GPM6B: variants seen among roughly 807,000 people sequenced by gnomAD.
GPM6B encodes the protein glycoprotein M6B.
In GPM6B, 4 loss-of-function variants were observed where a neutral mutation model predicts 27.2. The ratio of observed to expected loss-of-function variants is 0.15; its 90% CI spans 0.07 to 0.34. The LOEUF (loss-of-function observed/expected upper bound fraction) is 0.34, where lower values mean the gene tolerates loss of function less well. Ranked by LOEUF, GPM6B falls within the 10% of genes least tolerant of loss-of-function variation. The pLI is 1.00. For synonymous variants in GPM6B, 124 were observed against 103.1 expected (o/e 1.20, Z -1.23); for missense variants, 183 against 261.9 (o/e 0.70, Z 2.08).
chrX:13,924,908 TAGA>T (rs1330251263), intron 1 of GPM6B, among the ~76,000 whole-genome samples: 1 of 112,432 alleles, frequency 8.9e-6, no homozygotes, highest in Non-Finnish European at 1.9e-5. Context: ...CTTGAATTAG[TAGA>T]AGAACTGATT....
At chrX:13,803,069 G>T (rs1009705989) in intron 2 of GPM6B, among the ~76,000 whole-genome samples, 13 of 112,020 alleles carry the variant, frequency 1.2e-4, no homozygotes, top group Non-Finnish European at 2.3e-4. Flanking sequence ...CTTAGGTTAG[G>T]AAAGAGTGAC....
chrX:13,774,819 T>C (rs932301359), intron 7 of GPM6B, among the ~76,000 whole-genome samples: 1 of 111,708 alleles, frequency 9.0e-6, no homozygotes, highest in Non-Finnish European at 1.9e-5. Flanking sequence ...ATGTAAGTCA[T>C]TGGTTCTGCC....
intron 1 of GPM6B, among the ~76,000 whole-genome samples, chrX:13,833,155 C>T (rs937253500): frequency 9.0e-6 from 1 of 111,711 alleles, no homozygotes; most frequent in African/African-American, 3.3e-5. Context: ...GACATTCATA[C>T]AGCAGATGAC....
At chrX:13,851,924 C>T (rs1000353215) in intron 1 of GPM6B, among the ~76,000 whole-genome samples, 2 of 108,781 alleles carry the variant, frequency 1.8e-5, no homozygotes, top group African/African-American at 3.4e-5. Flanking sequence ...CCAGCAATCA[C>T]GTAACATGAG....
chrX:13,786,762 G>C (rs990022806), intron 2 of GPM6B, among the ~76,000 whole-genome samples: 6 of 111,310 alleles, frequency 5.4e-5, no homozygotes, highest in African/African-American at 2.0e-4. Flanking sequence ...GACGAGACTT[G>C]TATTCATTTT....
intron 1 of GPM6B, among the ~76,000 whole-genome samples, chrX:13,920,848 G>A (rs950023159): frequency 4.7e-5 from 5 of 107,400 alleles, no homozygotes; most frequent in Non-Finnish European, 7.7e-5. Context: ...CCGAGATCGC[G>A]CCACTATACT....
chrX:13,813,346 T>G (rs937454361), intron 1 of GPM6B, among the ~76,000 whole-genome samples: 1 of 111,452 alleles, frequency 9.0e-6, no homozygotes, highest in Non-Finnish European at 1.9e-5. Context: ...TTTAAGGAAG[T>G]CAATAATTTA....
chrX:13,800,014 T>C (rs2048891634), intron 2 of GPM6B, among the ~76,000 whole-genome samples: 1 of 111,877 alleles, frequency 8.9e-6, no homozygotes, highest in African/African-American at 3.3e-5. Flanking sequence ...GACTAGAATA[T>C]GGCAAAAGTG....
At chrX:13,776,621 A>G (rs1023949637) in intron 6 of GPM6B, among the ~76,000 whole-genome samples, 5 of 112,358 alleles carry the variant, frequency 4.5e-5, no homozygotes, top group African/African-American at 1.3e-4. Context: ...AAGCCACTGC[A>G]TATTATGGAT....
intron 1 of GPM6B, among the ~76,000 whole-genome samples, chrX:13,905,323 G>T (rs1368640972): frequency 2.7e-5 from 3 of 109,990 alleles, no homozygotes; most frequent in Admixed American, 9.8e-5. Flanking sequence ...GATGTGCTAT[G>T]GCCTCCAGCA....
chrX:13,828,901 G>A (rs1040860024), intron 1 of GPM6B, among the ~76,000 whole-genome samples: 11 of 111,871 alleles, frequency 9.8e-5, no homozygotes, highest in African/African-American at 2.9e-4. Flanking sequence ...AGCTGTACAC[G>A]GACTTGGCCA....
intron 1 of GPM6B, among the ~76,000 whole-genome samples, chrX:13,897,080 T>C (rs1248365170): frequency 8.9e-6 from 1 of 112,522 alleles, no homozygotes; most frequent in African/African-American, 3.2e-5. Flanking sequence ...AAAAAGTCTG[T>C]GTTTGCTTGT....
chrX:13,925,778 G>A (rs1239650246), intron 1 of GPM6B, among the ~76,000 whole-genome samples: 2 of 111,039 alleles, frequency 1.8e-5, no homozygotes, highest in African/African-American at 3.3e-5. Flanking sequence ...ATTCTGGCCA[G>A]GCGCCGTGGC....
chrX:13,930,341 A>T (rs1200077703), intron 1 of GPM6B, among the ~76,000 whole-genome samples: 2 of 111,897 alleles, frequency 1.8e-5, no homozygotes, highest in Admixed American at 1.9e-4. Flanking sequence ...GAGGCCGGGC[A>T]CGGTGGCTCA....
chrX:13,798,262 T>C (rs2048852974), intron 2 of GPM6B, among the ~76,000 whole-genome samples: 1 of 109,792 alleles, frequency 9.1e-6, no homozygotes, highest in South Asian at 3.9e-4. Flanking sequence ...TTAACCTGGG[T>C]GATGGGAACC....
chrX:13,807,705 G>C lies in GPM6B; in HGVS notation c.126C>G (p.His42Gln). The C allele has an allele frequency of 2.5e-6, 3 of 1,206,198 alleles. No homozygotes were observed. Among genetic ancestry groups the C allele is most frequent in the Non-Finnish European group, 3.4e-6 (3 of 890,750 alleles). Residue 42 changes from histidine (H) to glutamine (Q), a missense_variant, in exon 2 of 8, where the codon CAC (histidine) becomes CAG (glutamine). His to Gln is a conservative substitution (Grantham distance 24). Transcript: ENST00000316715. The stretch of plus-strand genomic sequence containing the variant: ...CCAGGGTTGGCACGGGATGGTACTG[G>C]TGGTTCTTTGAGCCTGGGTACATCC... The part of the protein sequence containing the change: ...YHWMYPGSKN[H>Q]QYHPVPTLGD...
intron 6 of GPM6B, 63 bp from the exon 7 acceptor site, chrX:13,776,366 G>T: frequency 1.1e-6 from 1 of 884,987 alleles, no homozygotes; most frequent in Non-Finnish European, 1.6e-6. Context: ...TACACTCATT[G>T]TGGGGTGCTG....
chrX:13,922,914 G>A (rs921967692), intron 1 of GPM6B, among the ~76,000 whole-genome samples: 3 of 112,070 alleles, frequency 2.7e-5, no homozygotes, highest in East Asian at 5.6e-4. Flanking sequence ...GGTGGCTCAC[G>A]CCTGTAATCC....
upstream of GPM6B, among the ~76,000 whole-genome samples, chrX:13,818,077 C>A (rs914252764): frequency 8.9e-6 from 1 of 112,162 alleles, no homozygotes; most frequent in Non-Finnish European, 1.9e-5. Flanking sequence ...TACCCAGATA[C>A]CATGAGGCCA....
Sources: gnomAD v4.1 joint callset for allele counts (sites outside exome capture counted in the v4.1 genomes callset) on GRCh38, gnomAD v4.1.1 for gene constraint, MANE v1.5 for transcripts, NCBI Gene and HGNC (gene_info 2026-07-23, HGNC 2026-07-21) for gene names.